Variants in CSMD1 observed in about 807,000 individuals in gnomAD.
CSMD1 encodes the protein CUB and sushi domain-containing protein 1.
In CSMD1, 213 loss-of-function variants were observed where a neutral mutation model predicts 417.5. That is an observed-to-expected ratio of 0.51 (90% CI 0.46 to 0.57). The LOEUF is 0.57. Ranked by LOEUF, CSMD1 falls within the 20% of genes least tolerant of loss-of-function variation. The pLI is 0.00. For missense variants in CSMD1, 6,923 were observed against 4,529.7 expected (o/e 1.53, Z -15.17); for synonymous variants, 2,862 against 1,736.8 (o/e 1.65, Z -16.11).
At chr8:3,045,983 T>G (rs1231657223) in intron 50 of CSMD1, among the ~76,000 whole-genome samples, 2 of 152,218 alleles carry the variant, frequency 1.3e-5, no homozygotes, top group African/African-American at 2.4e-5. Context: ...GCCCTACTTA[T>G]GCACACAGGG....
chr8:4,207,081 C>T (rs560915255), intron 3 of CSMD1, among the ~76,000 whole-genome samples: 1 of 151,964 alleles, frequency 6.6e-6, no homozygotes, highest in South Asian at 2.1e-4. Context: ...ATTATGAATG[C>T]CAGAAAATTA....
At chr8:3,484,519 A>G (rs903179529) in intron 11 of CSMD1, among the ~76,000 whole-genome samples, 10 of 152,236 alleles carry the variant, frequency 6.6e-5, no homozygotes, top group Non-Finnish European at 4.4e-5. Context: ...TCTGTAAAGT[A>G]CAGCTAGGCA....
intron 10 of CSMD1, among the ~76,000 whole-genome samples, chr8:3,531,903 C>T (rs1585315211): frequency 6.6e-6 from 1 of 152,134 alleles, no homozygotes; most frequent in Admixed American, 6.5e-5. Context: ...AGCACATGCA[C>T]AGTAAGAAAG....
At chr8:4,223,873 C>A (rs1367662319) in intron 3 of CSMD1, among the ~76,000 whole-genome samples, 2 of 152,130 alleles carry the variant, frequency 1.3e-5, no homozygotes, top group Admixed American at 6.5e-5. Flanking sequence ...CCCTAAAAGT[C>A]CTGCATGGAA....
chr8:4,762,196 T>A lies in CSMD1; in HGVS notation c.86-124638A>T, dbSNP rs10096929. Reference sequence around the variant, plus strand: ...ACCAAAATATCTCGTATATTTATAATTGTTGTGCTAAAATCATATCTGCAT... The same window carrying A: ...ACCAAAATATCTCGTATATTTATAAATGTTGTGCTAAAATCATATCTGCAT... On this transcript the variant is annotated intron_variant, in intron 1 of 69. Transcript: ENST00000635120. 2.0e-5 allele frequency among the ~76,000 whole-genome samples: 3 copies of A among 152,120 alleles called. 1 individual carries two copies. Among genetic ancestry groups the A allele is most frequent in the African/African-American group, 7.2e-5 (3 of 41,420 alleles).
At chr8:4,946,932 G>A (rs959869226) in intron 1 of CSMD1, among the ~76,000 whole-genome samples, 18 of 152,096 alleles carry the variant, frequency 1.2e-4, no homozygotes, top group African/African-American at 3.6e-4. Flanking sequence ...ATGTACATAC[G>A]TATTTTAATA....
intron 6 of CSMD1, among the ~76,000 whole-genome samples, chr8:3,717,281 C>T (rs1439014273): frequency 2.6e-5 from 4 of 152,118 alleles, no homozygotes; most frequent in African/African-American, 9.7e-5. Context: ...TCAACTCTTT[C>T]AACGCTTATC....
chr8:4,540,427 G>T (rs1797322130), intron 2 of CSMD1, among the ~76,000 whole-genome samples: 1 of 152,110 alleles, frequency 6.6e-6, no homozygotes, highest in Admixed American at 6.5e-5. Flanking sequence ...CTCAGGCCGG[G>T]TGCAGTGGCT....
intron 25 of CSMD1, among the ~76,000 whole-genome samples, chr8:3,307,033 A>T (rs992531770): frequency 1.8e-5 from 1 of 54,694 alleles, no homozygotes; most frequent in Non-Finnish European, 5.0e-5. Flanking sequence ...ACTTTGGTAT[A>T]ATTGCAAAAT....
chr8:3,150,534 G>C (rs528232945), intron 40 of CSMD1, among the ~76,000 whole-genome samples: 6 of 152,328 alleles, frequency 3.9e-5, no homozygotes, highest in Non-Finnish European at 7.4e-5. Context: ...TTTGAATAAA[G>C]TGTGTGATCT....
chr8:3,141,002 A>G (rs1236631638), intron 41 of CSMD1, among the ~76,000 whole-genome samples: 1 of 152,242 alleles, frequency 6.6e-6, no homozygotes, highest in Non-Finnish European at 1.5e-5. Context: ...GGCAAGGCAT[A>G]CATACCTGAG....
chr8:3,822,069 T>G (rs1233980992), intron 5 of CSMD1, among the ~76,000 whole-genome samples: 4 of 152,198 alleles, frequency 2.6e-5, no homozygotes, highest in Non-Finnish European at 4.4e-5. Context: ...CCTATGCTGT[T>G]AACTCTTCCT....
chr8:3,896,829 G>C (rs1377991713), intron 5 of CSMD1, among the ~76,000 whole-genome samples: 8 of 151,836 alleles, frequency 5.3e-5, no homozygotes, highest in Non-Finnish European at 1.0e-4. Context: ...CATCAAGTTT[G>C]AACCAAAAAT....
chr8:3,184,401 C>T (rs1821619248), intron 36 of CSMD1, among the ~76,000 whole-genome samples: 1 of 152,278 alleles, frequency 6.6e-6, no homozygotes, highest in Middle Eastern at 3.4e-3. Context: ...AAAACTTGAA[C>T]CTCATCAAAT....
chr8:3,460,957 G>A (rs1018143712), intron 12 of CSMD1, among the ~76,000 whole-genome samples: 9 of 152,104 alleles, frequency 5.9e-5, no homozygotes, highest in Non-Finnish European at 1.2e-4. Flanking sequence ...GGGATGTGGA[G>A]GGCAGTAACA....
chr8:3,849,537 C>T (rs991804758), intron 5 of CSMD1, among the ~76,000 whole-genome samples: 2 of 152,176 alleles, frequency 1.3e-5, no homozygotes, highest in Non-Finnish European at 1.5e-5. Context: ...ATGACGACTT[C>T]AGCAGAAATT....
At chr8:4,490,381 C>T (rs893966609) in intron 2 of CSMD1, among the ~76,000 whole-genome samples, 1 of 152,154 alleles carries the variant, frequency 6.6e-6, no homozygotes, top group African/African-American at 2.4e-5. Flanking sequence ...TGTCCCCTAA[C>T]TTAGTTTCTA....
intron 26 of CSMD1, among the ~76,000 whole-genome samples, chr8:3,264,340 T>A (rs1017885437): frequency 1.3e-5 from 2 of 152,134 alleles, no homozygotes; most frequent in African/African-American, 4.8e-5. Flanking sequence ...ATTATAACAT[T>A]AGTGTGATAC....
At chr8:3,258,503 A>G (rs1217518046) in intron 26 of CSMD1, among the ~76,000 whole-genome samples, 3 of 152,236 alleles carry the variant, frequency 2.0e-5, no homozygotes. Flanking sequence ...TGCAAATGTA[A>G]ATTAGTTCAA....
Sources: gnomAD v4.1 joint callset for allele counts (sites outside exome capture counted in the v4.1 genomes callset) on GRCh38, gnomAD v4.1.1 for gene constraint, MANE v1.5 for transcripts, NCBI Gene and HGNC (gene_info 2026-07-23, HGNC 2026-07-21) for gene names.